Variants in COL22A1 observed in about 807,000 individuals in gnomAD.
COL22A1 encodes collagen type XXII alpha 1 chain, also known as collagen alpha-1(XXII) chain.
Under a neutral mutation model 248.9 loss-of-function variants are expected in COL22A1, and 221 were observed. The ratio of observed to expected loss-of-function variants is 0.89; its 90% confidence interval spans 0.80 to 0.99. The LOEUF (loss-of-function observed/expected upper bound fraction) is 0.99. COL22A1 is among the 50% of genes least tolerant of loss of function. The pLI, the probability that COL22A1 is intolerant of heterozygous loss-of-function variation, is 0.00. For missense variants in COL22A1, 2,240 were observed against 2,179.0 expected (o/e 1.03, Z -0.56); for synonymous variants, 891 against 793.4 (o/e 1.12, Z -2.07).
At chr8:138,885,476 C>T (rs1422671862) in intron 1 of COL22A1, among the ~76,000 whole-genome samples, 4 of 152,234 alleles carry the variant, frequency 2.6e-5, no homozygotes, top group African/African-American at 9.6e-5. Context: ...GCACCTGCAA[C>T]CCCTTAGTCC....
intron 41 of COL22A1, among the ~76,000 whole-genome samples, chr8:138,669,355 G>A (rs1323713608): frequency 2.6e-5 from 4 of 152,180 alleles, no homozygotes; most frequent in Non-Finnish European, 5.9e-5. Context: ...GCAGAGATGA[G>A]GGTCCTGGAG....
intron 34 of COL22A1, among the ~76,000 whole-genome samples, chr8:138,694,305 A>G (rs1827321917): frequency 6.6e-6 from 1 of 152,198 alleles, no homozygotes; most frequent in Non-Finnish European, 1.5e-5. Context: ...ATCCAGGGGT[A>G]CAGAGGTGGG....
At chr8:138,599,214 C>T (rs1016749028) in intron 60 of COL22A1, among the ~76,000 whole-genome samples, 18 of 151,542 alleles carry the variant, frequency 1.2e-4, no homozygotes, top group Non-Finnish European at 1.8e-4. Flanking sequence ...TGGTGGCAGG[C>T]GCCTGTAGTC....
At chr8:138,594,608 C>T (rs994735191) in intron 62 of COL22A1, among the ~76,000 whole-genome samples, 5 of 152,162 alleles carry the variant, frequency 3.3e-5, no homozygotes, top group Non-Finnish European at 7.3e-5. Context: ...AGAAACCGCA[C>T]CCTACCCCAC....
At chr8:138,897,896 T>C (rs1262801379) in intron 1 of COL22A1, among the ~76,000 whole-genome samples, 1 of 152,060 alleles carries the variant, frequency 6.6e-6, no homozygotes, top group East Asian at 1.9e-4. Context: ...AGAAATGTAT[T>C]TCCCACAGTT....
At chr8:138,614,714 G>A (rs550485685) in intron 55 of COL22A1, among the ~76,000 whole-genome samples, 66 of 150,592 alleles carry the variant, frequency 4.4e-4, no homozygotes, top group Non-Finnish European at 8.6e-4. Context: ...CTTCTGAGAA[G>A]CCCCTTTTTG....
intron 7 of COL22A1, among the ~76,000 whole-genome samples, chr8:138,817,285 G>A (rs1196906658): frequency 6.6e-6 from 1 of 152,194 alleles, no homozygotes; most frequent in Non-Finnish European, 1.5e-5. Flanking sequence ...TACACGTGTT[G>A]GGGAACTCTG....
intron 41 of COL22A1, among the ~76,000 whole-genome samples, chr8:138,674,115 C>T (rs1825293556): frequency 6.6e-6 from 1 of 152,120 alleles, no homozygotes; most frequent in Admixed American, 6.5e-5. Context: ...AAGATCACCT[C>T]CCAAACAAAC....
intron 47 of COL22A1, among the ~76,000 whole-genome samples, chr8:138,645,067 C>G (rs1822078222): frequency 1.3e-5 from 2 of 152,180 alleles, no homozygotes; most frequent in African/African-American, 2.4e-5. Flanking sequence ...CCACGCAAAG[C>G]TATCTTCAGT....
At chr8:138,599,048 G>T in intron 60 of COL22A1, 150 bp from the exon 61 acceptor site, 1 of 734,952 alleles carries the variant, frequency 1.4e-6, no homozygotes, top group Admixed American at 2.5e-5. Context: ...GGGGTGAGAA[G>T]AGCCCCAGAA....
chr8:138,594,302 T>C (rs1373647214), intron 62 of COL22A1, 103 bp from the exon 63 acceptor site: 7 of 952,128 alleles, frequency 7.4e-6, no homozygotes, highest in Non-Finnish European at 9.1e-6. Context: ...CGATAATAGC[T>C]GCAGAAACGG....
At chr8:138,874,410 G>A (rs1019300198) in intron 3 of COL22A1, among the ~76,000 whole-genome samples, 2 of 152,158 alleles carry the variant, frequency 1.3e-5, no homozygotes, top group Non-Finnish European at 2.9e-5. Context: ...CCCTTTCCTT[G>A]AGGGAGCTGG....
At chr8:138,752,769 CA>C (rs1383341480) in intron 21 of COL22A1, among the ~76,000 whole-genome samples, 1 of 152,232 alleles carries the variant, frequency 6.6e-6, no homozygotes, top group Non-Finnish European at 1.5e-5. Flanking sequence ...TTGCTGAACA[CA>C]AACTCAAAAT....
intron 18 of COL22A1, among the ~76,000 whole-genome samples, 193 bp downstream of exon 18, chr8:138,760,050 G>GA: frequency 6.6e-6 from 1 of 151,752 alleles, no homozygotes; most frequent in Non-Finnish European, 1.5e-5. Flanking sequence ...CCTAAAAGTA[G>GA]AAAAAAAATT....
At chr8:138,794,794 G>A (rs1276049750) in intron 12 of COL22A1, among the ~76,000 whole-genome samples, 1 of 152,142 alleles carries the variant, frequency 6.6e-6, no homozygotes, top group African/African-American at 2.4e-5. Context: ...TATGCTAACT[G>A]AAATAAGCCA....
At chr8:138,606,033 G>A (rs1317753634) in intron 58 of COL22A1, among the ~76,000 whole-genome samples, 1 of 152,080 alleles carries the variant, frequency 6.6e-6, no homozygotes, top group Admixed American at 6.6e-5. Context: ...CACCTGCAGT[G>A]GGTCAGGAAC....
At chr8:138,613,980 C>T (rs1587676689) in intron 55 of COL22A1, 60 bp from the exon 56 acceptor site, 1 of 1,358,052 alleles carries the variant, frequency 7.4e-7, no homozygotes, top group South Asian at 1.2e-5. Context: ...GTGATGGCAT[C>T]CCAATTTCAA....
At chr8:138,784,874 G>A (rs1260807069) in intron 12 of COL22A1, among the ~76,000 whole-genome samples, 1 of 152,166 alleles carries the variant, frequency 6.6e-6, no homozygotes, top group South Asian at 2.1e-4. Flanking sequence ...CAAAGTTACA[G>A]TGCTTATAGA....
At chr8:138,857,982 C>T (rs1443444793) in intron 3 of COL22A1, among the ~76,000 whole-genome samples, 2 of 152,204 alleles carry the variant, frequency 1.3e-5, no homozygotes, top group Admixed American at 1.3e-4. Context: ...AAAACTGGCC[C>T]TGGAATGACA....
Sources: allele counts gnomAD v4.1 joint callset (sites outside exome capture counted in the v4.1 genomes callset), GRCh38; gene constraint gnomAD v4.1.1; transcripts MANE v1.5; gene names NCBI Gene and HGNC (gene_info 2026-07-23, HGNC 2026-07-21).